The following CHODL variants were observed in gnomAD, a reference collection of about 807,000 sequenced individuals.
CHODL encodes chondrolectin.
Under a neutral mutation model 34.5 loss-of-function variants are expected in CHODL, and 29 were observed. The ratio of observed to expected loss-of-function variants is 0.84; its 90% CI spans 0.63 to 1.15. The LOEUF is 1.15. CHODL is among the 50% of genes most tolerant of loss of function. The pLI is 0.00. For missense variants in CHODL, 332 were observed against 332.5 expected (o/e 1.00, Z 0.01); for synonymous variants, 125 against 116.1 (o/e 1.08, Z -0.49).
chr21:18,191,544 G>C (rs2073510582), intron 2 of CHODL, among the ~76,000 whole-genome samples: 1 of 152,162 alleles, frequency 6.6e-6, no homozygotes, highest in Non-Finnish European at 1.5e-5. Context: ...TTTCTCTGAT[G>C]ATTAATGTTG....
chr21:17,980,527 C>A (rs1389876477), intron 1 of CHODL, among the ~76,000 whole-genome samples: 1 of 152,128 alleles, frequency 6.6e-6, no homozygotes, highest in Non-Finnish European at 1.5e-5. Flanking sequence ...ATTTTTCAGG[C>A]CTGTACTTGA....
intron 2 of CHODL, among the ~76,000 whole-genome samples, chr21:18,135,676 G>T (rs905199737): frequency 6.6e-6 from 1 of 152,112 alleles, no homozygotes; most frequent in Admixed American, 6.5e-5. Context: ...TTAGAGTGGG[G>T]TATCTCTCAC....
rs28540093 is a variant in CHODL, at chr21:18,066,238, A to G, written c.-45+38267A>G. 9.2e-3 allele frequency among the ~76,000 whole-genome samples: 1,406 copies of G among 152,312 alleles called. 23 individuals carry two copies. Among genetic ancestry groups the G allele is most frequent in the African/African-American group, 0.031 (1,295 of 41,566 alleles). Reference sequence around the variant, plus strand: ...GATTTGCAATCTTGTTCCATAAATAAGGAACATTTCTTTTCCTGTAAACTG... The same window carrying G: ...GATTTGCAATCTTGTTCCATAAATAGGGAACATTTCTTTTCCTGTAAACTG... On this transcript the variant is annotated intron_variant, in intron 2 of 6. Coordinates refer to the CHODL transcript ENST00000400127.
chr21:18,020,119 G>T (rs2064114203), intron 1 of CHODL, among the ~76,000 whole-genome samples: 1 of 152,066 alleles, frequency 6.6e-6, no homozygotes, highest in Non-Finnish European at 1.5e-5. Context: ...GAAGCAAATG[G>T]ACTTCAAAGG....
intron 2 of CHODL, among the ~76,000 whole-genome samples, chr21:18,217,652 G>A (rs111779659): frequency 6.6e-6 from 1 of 152,012 alleles, no homozygotes; most frequent in Non-Finnish European, 1.5e-5. Flanking sequence ...AACCAATTAT[G>A]CCTTCCCAAC....
At chr21:18,113,974 A>T (rs2065382221) in intron 2 of CHODL, among the ~76,000 whole-genome samples, 1 of 152,214 alleles carries the variant, frequency 6.6e-6, no homozygotes, top group Admixed American at 6.5e-5. Flanking sequence ...AAAGAATGAG[A>T]TCCAGTTATT....
intron 2 of CHODL, among the ~76,000 whole-genome samples, chr21:18,201,954 G>A (rs1462083391): frequency 6.6e-6 from 1 of 151,782 alleles, no homozygotes; most frequent in Non-Finnish European, 1.5e-5. Context: ...ACAGGCGACC[G>A]CCACCACACT....
At chr21:18,017,304 C>G (rs2064084691) in intron 1 of CHODL, among the ~76,000 whole-genome samples, 1 of 152,162 alleles carries the variant, frequency 6.6e-6, no homozygotes, top group Admixed American at 6.6e-5. Context: ...GTAAGTTGAT[C>G]ATGGGGGTGG....
intron 2 of CHODL, among the ~76,000 whole-genome samples, chr21:18,086,884 G>C (rs2065013996): frequency 6.6e-6 from 1 of 152,176 alleles, no homozygotes; most frequent in African/African-American, 2.4e-5. Flanking sequence ...CCAAGTGTGT[G>C]GGTGGGTTCT....
At chr21:18,110,794 A>G (rs2065339441) in intron 2 of CHODL, among the ~76,000 whole-genome samples, 1 of 152,208 alleles carries the variant, frequency 6.6e-6, no homozygotes, top group African/African-American at 2.4e-5. Flanking sequence ...TAAGTAACAG[A>G]CATGCAGTGT....
At chr21:18,242,008 T>A (rs1255944141), upstream of CHODL, among the ~76,000 whole-genome samples, 1 of 151,854 alleles carries the variant, frequency 6.6e-6, no homozygotes, top group African/African-American at 2.4e-5. Context: ...TTTTTTTTTT[T>A]AATGGACAAA....
intron 2 of CHODL, among the ~76,000 whole-genome samples, chr21:18,153,565 T>G (rs1478310344): frequency 6.6e-6 from 1 of 152,104 alleles, no homozygotes; most frequent in African/African-American, 2.4e-5. Flanking sequence ...CTTACATGAT[T>G]ATATCGAGTT....
chr21:18,225,421 A>C (rs1010202105), intron 2 of CHODL, among the ~76,000 whole-genome samples: 1 of 152,130 alleles, frequency 6.6e-6, no homozygotes, highest in Non-Finnish European at 1.5e-5. Flanking sequence ...CATTAGAAAA[A>C]AATCTGATAA....
intron 2 of CHODL, among the ~76,000 whole-genome samples, chr21:18,212,146 G>A (rs1007049167): frequency 3.3e-5 from 5 of 152,042 alleles, no homozygotes; most frequent in Non-Finnish European, 7.4e-5. Flanking sequence ...AGAAATAGCT[G>A]AACACTGATG....
At chr21:17,949,540 A>G (rs1442100214) in intron 1 of CHODL, among the ~76,000 whole-genome samples, 3 of 152,176 alleles carry the variant, frequency 2.0e-5, no homozygotes, top group Admixed American at 6.5e-5. Flanking sequence ...TTCACTTTCA[A>G]TGAAAGAGGA....
At chr21:18,181,502 C>A (rs1187165278) in intron 2 of CHODL, among the ~76,000 whole-genome samples, 5 of 152,086 alleles carry the variant, frequency 3.3e-5, no homozygotes, top group African/African-American at 9.7e-5. Context: ...TCCTGGGTTC[C>A]CGCCATTCTC....
At chr21:18,244,184 T>C (rs957328796), upstream of CHODL, among the ~76,000 whole-genome samples, 1 of 152,202 alleles carries the variant, frequency 6.6e-6, no homozygotes, top group African/African-American at 2.4e-5. Context: ...ATACATTTCA[T>C]TTTACCTCCA....
At chr21:18,153,482 G>A (rs1031118881) in intron 2 of CHODL, among the ~76,000 whole-genome samples, 13 of 151,928 alleles carry the variant, frequency 8.6e-5, no homozygotes, top group Non-Finnish European at 1.2e-4. Flanking sequence ...TTTTTGCCTC[G>A]TAACTTCTCT....
At chr21:17,984,068 A>G (rs890852606) in intron 1 of CHODL, among the ~76,000 whole-genome samples, 2 of 152,198 alleles carry the variant, frequency 1.3e-5, no homozygotes, top group Admixed American at 1.3e-4. Context: ...AATCCCACTG[A>G]ACAATAATCC....
Sources: gnomAD v4.1 joint callset for allele counts (sites outside exome capture counted in the v4.1 genomes callset) on GRCh38, gnomAD v4.1.1 for gene constraint, MANE v1.5 for transcripts, NCBI Gene and HGNC (gene_info 2026-07-23, HGNC 2026-07-21) for gene names.